The following ATP9A variants were observed in gnomAD, a reference collection of about 807,000 sequenced individuals.
ATP9A encodes the protein ATPase phospholipid transporting 9A.
Under a neutral mutation model 144.1 loss-of-function variants are expected in ATP9A, and 52 were observed. The observed-to-expected ratio is 0.36, with a 90% CI of 0.29 to 0.45. ATP9A has a LOEUF of 0.45. Among genes scored for constraint, ATP9A ranks in the 20% least tolerant of loss-of-function variants. ATP9A has a pLI of 1.00. For synonymous variants in ATP9A, 582 were observed against 557.4 expected, an observed-to-expected ratio of 1.04 and a Z score of -0.62; for missense variants, 947 against 1,392.7, an observed-to-expected ratio of 0.68 and a Z score of 5.09.
At chr20:51,744,957 T>C (rs1214861406) in intron 1 of ATP9A, among the ~76,000 whole-genome samples, 2 of 151,856 alleles carry the variant, frequency 1.3e-5, no homozygotes, top group Non-Finnish European at 2.9e-5. Context: ...TGACGAAACC[T>C]TGTCTCTACT....
At chr20:51,613,109 G>C (rs2077190738) in intron 23 of ATP9A, among the ~76,000 whole-genome samples, 1 of 152,132 alleles carries the variant, frequency 6.6e-6, no homozygotes, top group Admixed American at 6.5e-5. Context: ...ATGGGCTCAG[G>C]CTATTGTGAG....
chr20:51,742,876 G>A (rs1051034813), intron 1 of ATP9A, among the ~76,000 whole-genome samples: 2 of 152,174 alleles, frequency 1.3e-5, no homozygotes, highest in African/African-American at 2.4e-5. Context: ...GGCCCTGACA[G>A]GGCTGTAAAT....
chr20:51,750,134 T>A (rs1359772199), intron 1 of ATP9A, among the ~76,000 whole-genome samples: 2 of 152,046 alleles, frequency 1.3e-5, no homozygotes, highest in Non-Finnish European at 2.9e-5. Flanking sequence ...CCAGCCTGGG[T>A]GACAAAGCAA....
intron 6 of ATP9A, among the ~76,000 whole-genome samples, 167 bp downstream of exon 6, chr20:51,695,926 C>T (rs1228822340): frequency 1.3e-5 from 2 of 152,164 alleles, no homozygotes; most frequent in Non-Finnish European, 2.9e-5. Context: ...ACTTTTAAAA[C>T]ACCAACAACA....
intron 6 of ATP9A, among the ~76,000 whole-genome samples, 182 bp from the exon 7 acceptor site, chr20:51,694,284 TTC>T (rs1187984083): frequency 6.6e-6 from 1 of 152,008 alleles, no homozygotes; most frequent in Non-Finnish European, 1.5e-5. Context: ...AAGCTCAGAG[TTC>T]AAATCCTCAC....
chr20:51,635,201 C>T (rs1262689423), intron 15 of ATP9A, among the ~76,000 whole-genome samples: 1 of 152,204 alleles, frequency 6.6e-6, no homozygotes, highest in Non-Finnish European at 1.5e-5. Context: ...ACAGGGAGGC[C>T]CTCGTGGGAA....
At chr20:51,688,763 C>T (rs998798936) in intron 9 of ATP9A, among the ~76,000 whole-genome samples, 2 of 152,132 alleles carry the variant, frequency 1.3e-5, no homozygotes, top group Non-Finnish European at 2.9e-5. Flanking sequence ...CCAGCCAGAA[C>T]ATCCAGGCTG....
intron 2 of ATP9A, among the ~76,000 whole-genome samples, chr20:51,728,179 A>T (rs2077723974): frequency 6.6e-6 from 1 of 152,186 alleles, no homozygotes; most frequent in Non-Finnish European, 1.5e-5. Flanking sequence ...TTTGGTGGCC[A>T]CATAGTCCAG....
rs575686675 is a variant in ATP9A, at chr20:51,609,567, G to A, written c.2636+534C>T. On this transcript the variant is annotated intron_variant, in intron 24 of 27. Transcript: ENST00000338821. ...CATCCTGAAGTTCCAGGTCAGTAAT[G>A]GGGGTGGGTTTGCAGGCTGCAAAGG... is the stretch of plus-strand genomic sequence containing the variant. Among the ~76,000 whole-genome samples, 30 of 152,254 alleles carry A rather than the reference G, an allele frequency of 2.0e-4. No homozygotes were observed. In the South Asian group the frequency reaches 2.1e-3, roughly 11 times the overall value.
chr20:51,659,058 T>C (rs1028037171), intron 13 of ATP9A, among the ~76,000 whole-genome samples: 3 of 152,168 alleles, frequency 2.0e-5, no homozygotes, highest in East Asian at 3.9e-4. Flanking sequence ...TCTTCCTGCC[T>C]GAGGGCCTCT....
intron 4 of ATP9A, among the ~76,000 whole-genome samples, chr20:51,708,295 A>T (rs969796269): frequency 3.8e-5 from 5 of 132,794 alleles, no homozygotes; most frequent in African/African-American, 5.4e-5. Context: ...TCTATGATTT[A>T]AAAAAAAAAA....
intron 15 of ATP9A, among the ~76,000 whole-genome samples, chr20:51,634,244 T>C (rs950041001): frequency 6.6e-6 from 1 of 152,194 alleles, no homozygotes; most frequent in Non-Finnish European, 1.5e-5. Flanking sequence ...CAAATGACCC[T>C]AGCAGAGCCC....
At chr20:51,695,110 T>C (rs1288816529) in intron 6 of ATP9A, among the ~76,000 whole-genome samples, 4 of 82,664 alleles carry the variant, frequency 4.8e-5, no homozygotes, top group Non-Finnish European at 1.1e-4. Flanking sequence ...AAATTTTTCA[T>C]GTATTCAAAA....
At chr20:51,738,267 T>G (rs898741658) in intron 1 of ATP9A, among the ~76,000 whole-genome samples, 1 of 151,910 alleles carries the variant, frequency 6.6e-6, no homozygotes, top group Non-Finnish European at 1.5e-5. Flanking sequence ...TGACCTCAGG[T>G]GATCCACCCA....
intron 9 of ATP9A, among the ~76,000 whole-genome samples, chr20:51,682,736 C>A (rs1275864161): frequency 1.3e-5 from 2 of 149,736 alleles, no homozygotes; most frequent in Non-Finnish European, 3.0e-5. Flanking sequence ...AGATTACAGG[C>A]ACGCACCACC....
intron 13 of ATP9A, among the ~76,000 whole-genome samples, chr20:51,668,325 G>T (rs1369264259): frequency 1.3e-5 from 2 of 151,764 alleles, no homozygotes; most frequent in African/African-American, 2.4e-5. Context: ...GGAGAGAATA[G>T]GTTTAGGAGA....
intron 19 of ATP9A, among the ~76,000 whole-genome samples, chr20:51,621,550 G>A (rs1263297354): frequency 6.6e-6 from 1 of 152,070 alleles, no homozygotes; most frequent in Non-Finnish European, 1.5e-5. Flanking sequence ...ACATTGTCTT[G>A]GTCAATGTCT....
chr20:51,696,223 A>AC, intron 5 of ATP9A, 79 bp from the exon 6 acceptor site: 6 of 1,291,986 alleles, frequency 4.6e-6, no homozygotes, highest in Non-Finnish European at 6.7e-6. Flanking sequence ...TTCCGCCCCC[A>AC]CCCCCAACCC....
intron 15 of ATP9A, 72 bp from the exon 16 acceptor site, chr20:51,629,144 A>G: frequency 1.6e-6 from 2 of 1,260,288 alleles, no homozygotes; most frequent in South Asian, 1.2e-5. Flanking sequence ...CCCGCTTCCC[A>G]TGACAGACAG....
Sources: gnomAD v4.1 joint callset for allele counts (sites outside exome capture counted in the v4.1 genomes callset) on GRCh38, gnomAD v4.1.1 for gene constraint, MANE v1.5 for transcripts, NCBI Gene and HGNC (gene_info 2026-07-23, HGNC 2026-07-21) for gene names.